SMIM14: variants seen among roughly 807,000 people sequenced by gnomAD.
SMIM14 encodes chromosome 4 open reading frame 34.
Under a neutral mutation model 12.6 loss-of-function variants are expected in SMIM14, and 5 were observed. That is an observed-to-expected ratio of 0.40 (90% confidence interval 0.21 to 0.83). The LOEUF (loss-of-function observed/expected upper bound fraction) is 0.83, where lower values mean the gene tolerates loss of function less well. Ranked by LOEUF, SMIM14 falls within the 40% of genes least tolerant of loss-of-function variation. The pLI is 0.37. For missense variants in SMIM14, 86 were observed against 119.1 expected (o/e 0.72, Z 1.29); for synonymous variants, 30 against 40.1 (o/e 0.75, Z 0.95).
chr4:39,593,880 C>T (rs1301671557), intron 2 of SMIM14: 2 of 152,086 alleles, frequency 1.3e-5, no homozygotes, highest in African/African-American at 4.8e-5. Flanking sequence ...GAACTACAAA[C>T]CACTGCTCAA....
intron 3 of SMIM14, among the ~76,000 whole-genome samples, chr4:39,561,840 C>T (rs4495044): frequency 0.11 from 16,541 of 151,796 alleles, 1,997 homozygotes; most frequent in African/African-American, 0.3. Flanking sequence ...GGGGTTGTAG[C>T]GGAAAAATTG....
chr4:39,594,525 A>T (rs1401170657), intron 2 of SMIM14: 3 of 148,792 alleles, frequency 2.0e-5, no homozygotes, highest in African/African-American at 7.4e-5. Flanking sequence ...ACCAAAAGCA[A>T]TGGCAACAAA....
At chr4:39,572,905 T>C (rs1035813044) in intron 2 of SMIM14, among the ~76,000 whole-genome samples, 1 of 151,894 alleles carries the variant, frequency 6.6e-6, no homozygotes, top group African/African-American at 2.4e-5. Context: ...GGTGCAATCC[T>C]AGCTCACTGC....
rs1030778963 is a variant in SMIM14 at position 39,549,700 on chromosome 4, C to T, written c.*2426G>A. On this transcript the variant is annotated 3_prime_UTR_variant, in exon 5 of 5. Coordinates refer to ENST00000295958, the MANE Select transcript of SMIM14 (RefSeq NM_174921.3). The stretch of plus-strand genomic sequence containing the variant: ...GATATATGGGCAAGCCTTCTAAGTT[C>T]AAGAGGCAAGAGCAGAAAATGGAAT... 6.6e-6 allele frequency: 1 copy of T among 152,212 alleles called. No homozygotes were observed. 9.4% of individuals were successfully genotyped at this position (152,212 alleles called of 1,614,324 possible).
intron 3 of SMIM14, among the ~76,000 whole-genome samples, chr4:39,565,481 G>A (rs893396317): frequency 6.6e-6 from 1 of 152,028 alleles, no homozygotes; most frequent in Non-Finnish European, 1.5e-5. Context: ...AGGCCACCAC[G>A]CCTAGCTAAG....
intron 2 of SMIM14, among the ~76,000 whole-genome samples, chr4:39,587,007 G>T (rs1322478410): frequency 1.3e-5 from 2 of 151,746 alleles, no homozygotes; most frequent in Non-Finnish European, 2.9e-5. Flanking sequence ...CCTATCACAA[G>T]GCCTCTACCC....
chr4:39,579,207 G>A (rs1471703979), intron 2 of SMIM14, among the ~76,000 whole-genome samples: 1 of 151,570 alleles, frequency 6.6e-6, no homozygotes, highest in Non-Finnish European at 1.5e-5. Flanking sequence ...TCAGGAGTTT[G>A]AGAACAGCCT....
chr4:39,605,310 TG>T (rs1714765312), intron 1 of SMIM14, 130 bp from the exon 2 acceptor site: 3 of 519,006 alleles, frequency 5.8e-6, no homozygotes, highest in Non-Finnish European at 1.0e-5. Flanking sequence ...TTTATTGACT[TG>T]TATCTATTAA....
intron 1 of SMIM14, among the ~76,000 whole-genome samples, chr4:39,621,318 A>T (rs1016310923): frequency 6.7e-6 from 1 of 149,492 alleles, no homozygotes; most frequent in Non-Finnish European, 1.5e-5. Flanking sequence ...TTAAAAGAGC[A>T]AAAGAATTAG....
chr4:39,581,497 C>T (rs1408722468), intron 2 of SMIM14, among the ~76,000 whole-genome samples: 23 of 147,966 alleles, frequency 1.6e-4, no homozygotes, highest in African/African-American at 5.0e-4. Context: ...TTTCTTTTTT[C>T]GTTTTTTTCC....
intron 2 of SMIM14, among the ~76,000 whole-genome samples, chr4:39,602,381 G>A (rs973801643): frequency 7.9e-5 from 12 of 152,262 alleles, no homozygotes; most frequent in African/African-American, 2.6e-4. Context: ...GATCACCTGA[G>A]GTCAGGAGTT....
chr4:39,628,378 AAATCAGGAAAAT>A, intron 1 of SMIM14, among the ~76,000 whole-genome samples: 1 of 151,308 alleles, frequency 6.6e-6, no homozygotes, highest in East Asian at 2.0e-4. Context: ...TAACATTTTA[AAATCAGGAAAAT>A]GTGACCAGGC....
At chr4:39,565,794 G>C (rs547097971) in intron 3 of SMIM14, among the ~76,000 whole-genome samples, 4 of 152,150 alleles carry the variant, frequency 2.6e-5, no homozygotes, top group African/African-American at 9.6e-5. Flanking sequence ...CATATGTCAT[G>C]GGAGGAACCT....
intron 2 of SMIM14, among the ~76,000 whole-genome samples, chr4:39,597,693 T>C (rs568038540): frequency 1.3e-5 from 2 of 152,292 alleles, no homozygotes; most frequent in East Asian, 1.9e-4. Context: ...AAAACAAACA[T>C]GTATGAGTCT....
chr4:39,580,746 T>G (rs964437729), intron 2 of SMIM14, among the ~76,000 whole-genome samples: 2 of 151,522 alleles, frequency 1.3e-5, no homozygotes, highest in African/African-American at 4.9e-5. Context: ...AGGCTGGTCT[T>G]GAACTCCTGA....
intron 2 of SMIM14, among the ~76,000 whole-genome samples, chr4:39,585,865 G>A (rs1713760320): frequency 6.6e-6 from 1 of 152,030 alleles, no homozygotes; most frequent in South Asian, 2.1e-4. Flanking sequence ...AGGCAGCCCT[G>A]ATCATCTCTG....
At position 39,627,308 on chromosome 4, in the gene SMIM14, C is replaced by G. The variant is rs570889105; in HGVS notation, c.-36+11431G>C. Among the ~76,000 whole-genome samples, 206 of 152,274 alleles carry G rather than the reference C, an allele frequency of 1.4e-3. 1 individual carries two copies. Among genetic ancestry groups the G allele is most frequent in the African/African-American group, 4.5e-3 (186 of 41,550 alleles). On this transcript the variant is annotated intron_variant, in intron 1 of 4. Coordinates refer to ENST00000295958, the MANE Select transcript of SMIM14 (RefSeq NM_174921.3). ...GACCAAAGGACTGTCTTAAACATTA[C>G]CTTCTCTTTCCTTGGCGACCCTTTT...
At chr4:39,597,438 ATTTT>A (rs869157163) in intron 2 of SMIM14, among the ~76,000 whole-genome samples, 2 of 116,562 alleles carry the variant, frequency 1.7e-5, no homozygotes, top group Admixed American at 9.5e-5. Context: ...CACTGGTGGT[ATTTT>A]TTTTTTTTTT....
chr4:39,564,627 A>G (rs1712481425), intron 3 of SMIM14, among the ~76,000 whole-genome samples: 1 of 152,192 alleles, frequency 6.6e-6, no homozygotes, highest in Non-Finnish European at 1.5e-5. Context: ...CGTTTTTTAG[A>G]TAAAGATAAC....
Sources: allele counts gnomAD v4.1 joint callset (sites outside exome capture counted in the v4.1 genomes callset), GRCh38; gene constraint gnomAD v4.1.1; transcripts MANE v1.5; gene names NCBI Gene and HGNC (gene_info 2026-07-23, HGNC 2026-07-21).